ARHGAP15: variants seen among roughly 807,000 people sequenced by gnomAD.
The protein encoded by ARHGAP15 is rho GTPase-activating protein 15.
A neutral mutation model predicts 63.7 loss-of-function variants in ARHGAP15; 51 were observed. That is an observed-to-expected ratio of 0.80 (90% CI 0.64 to 1.01). The LOEUF (loss-of-function observed/expected upper bound fraction) is 1.01, where lower values mean the gene tolerates loss of function less well. ARHGAP15 is among the 50% of genes least tolerant of loss of function. ARHGAP15 has a pLI of 0.00. For missense variants in ARHGAP15, 560 were observed against 564.6 expected, an observed-to-expected ratio of 0.99 and a Z score of 0.08; for synonymous variants, 191 against 193.8, an observed-to-expected ratio of 0.99 and a Z score of 0.12.
chr2:143,473,161 A>G (rs1347953228), intron 8 of ARHGAP15, among the ~76,000 whole-genome samples: 2 of 152,214 alleles, frequency 1.3e-5, no homozygotes, highest in Non-Finnish European at 2.9e-5. Flanking sequence ...TTGCCAAACC[A>G]TCACATGACT....
intron 1 of ARHGAP15, among the ~76,000 whole-genome samples, chr2:143,143,525 C>G (rs1468318437): frequency 6.6e-6 from 1 of 151,058 alleles, no homozygotes; most frequent in Non-Finnish European, 1.5e-5. Context: ...TTTTCTCACA[C>G]CAAACTTCCT....
chr2:143,312,355 A>G (rs1409817655), intron 6 of ARHGAP15, among the ~76,000 whole-genome samples: 2 of 152,086 alleles, frequency 1.3e-5, no homozygotes, highest in Non-Finnish European at 2.9e-5. Flanking sequence ...TTATAATCAA[A>G]CATTCTTGAA....
At chr2:143,225,778 C>A (rs540344984) in intron 4 of ARHGAP15, among the ~76,000 whole-genome samples, 1 of 152,232 alleles carries the variant, frequency 6.6e-6, no homozygotes, top group South Asian at 2.1e-4. Context: ...GATGTTAGTA[C>A]TTTCATCATT....
At position 143,428,218 on chromosome 2, in the gene ARHGAP15, G is replaced by A. The variant is rs180758428; in HGVS notation, c.475-7383G>A. On this transcript the variant is annotated intron_variant, in intron 6 of 13. Transcript: ENST00000295095. ...TGATATGACAGAGGATGTCAAAGGG[G>A]TCTAGGCAGCAGGAACAACCTGCTC... 2.2e-3 allele frequency among the ~76,000 whole-genome samples: 341 copies of A among 152,092 alleles called. 2 individuals carry two copies. Among genetic ancestry groups the A allele is most frequent in the Admixed American group, 3.3e-3 (51 of 15,264 alleles).
intron 8 of ARHGAP15, among the ~76,000 whole-genome samples, chr2:143,445,925 C>T (rs758440200): frequency 2.6e-5 from 4 of 151,838 alleles, no homozygotes; most frequent in Non-Finnish European, 5.9e-5. Context: ...GAATACTTTT[C>T]TCTAGTGTCA....
intron 3 of ARHGAP15, among the ~76,000 whole-genome samples, chr2:143,214,490 G>A (rs2105140357): frequency 6.6e-6 from 1 of 152,182 alleles, no homozygotes; most frequent in African/African-American, 2.4e-5. Context: ...AAGAAAAAGG[G>A]ACAGTATACA....
At chr2:143,460,754 A>G (rs1162944463) in intron 8 of ARHGAP15, among the ~76,000 whole-genome samples, 1 of 152,154 alleles carries the variant, frequency 6.6e-6, no homozygotes, top group East Asian at 1.9e-4. Context: ...TCTCTTTGAT[A>G]AGAAGAAAAT....
chr2:143,578,122 A>G (rs919839536), intron 11 of ARHGAP15, among the ~76,000 whole-genome samples: 1 of 152,168 alleles, frequency 6.6e-6, no homozygotes, highest in African/African-American at 2.4e-5. Flanking sequence ...TGATTGGTTC[A>G]GGAAAGGGGT....
chr2:143,553,931 A>G (rs902793124), intron 10 of ARHGAP15, among the ~76,000 whole-genome samples: 2 of 152,216 alleles, frequency 1.3e-5, no homozygotes, highest in Non-Finnish European at 2.9e-5. Context: ...TACACCTTGT[A>G]TAAATGAATA....
At chr2:143,765,606 C>A (rs577925122) in intron 13 of ARHGAP15, among the ~76,000 whole-genome samples, 35 of 152,096 alleles carry the variant, frequency 2.3e-4, no homozygotes, top group Non-Finnish European at 4.4e-4. Flanking sequence ...GTGATTTTGG[C>A]CACAAGAAAT....
At chr2:143,303,470 G>C (rs1421074163) in intron 6 of ARHGAP15, among the ~76,000 whole-genome samples, 1 of 151,938 alleles carries the variant, frequency 6.6e-6, no homozygotes, top group African/African-American at 2.4e-5. Flanking sequence ...ATTAATTCAA[G>C]ATGGATTAAA....
chr2:143,198,294 G>A (rs987828524), intron 2 of ARHGAP15, among the ~76,000 whole-genome samples: 2 of 151,782 alleles, frequency 1.3e-5, no homozygotes, highest in African/African-American at 4.8e-5. Flanking sequence ...ATTCTTATTT[G>A]TACCATGGAC....
chr2:143,653,124 A>G (rs138087164), intron 12 of ARHGAP15, among the ~76,000 whole-genome samples: 217 of 152,228 alleles, frequency 1.4e-3, no homozygotes, highest in Non-Finnish European at 2.4e-3. Context: ...TTCTGCATCT[A>G]CTGAGATGAA....
intron 6 of ARHGAP15, among the ~76,000 whole-genome samples, chr2:143,387,510 CTT>C (rs1230975338): frequency 6.6e-6 from 1 of 152,160 alleles, no homozygotes; most frequent in Non-Finnish European, 1.5e-5. Flanking sequence ...GTTGTATACT[CTT>C]TTCAATTATT....
At chr2:143,189,421 TA>T (rs34802368) in intron 2 of ARHGAP15, among the ~76,000 whole-genome samples, 68,462 of 151,444 alleles carry the variant, frequency 0.45, 15,884 homozygotes, top group Admixed American at 0.56. Context: ...TTCCAGCTAT[TA>T]AAAAAAAATT....
chr2:143,327,845 T>C (rs181563639), intron 6 of ARHGAP15, among the ~76,000 whole-genome samples: 2 of 151,760 alleles, frequency 1.3e-5, no homozygotes, highest in Non-Finnish European at 2.9e-5. Context: ...AGTTTTGCAA[T>C]CTATCCATCT....
chr2:143,653,477 G>A (rs1157349300), intron 12 of ARHGAP15, among the ~76,000 whole-genome samples: 5 of 151,868 alleles, frequency 3.3e-5, no homozygotes, highest in African/African-American at 4.8e-5. Context: ...CTAATTTCAA[G>A]GAATTTCTCC....
chr2:143,332,897 G>A (rs549560315), intron 6 of ARHGAP15, among the ~76,000 whole-genome samples: 6 of 149,314 alleles, frequency 4.0e-5, no homozygotes, highest in East Asian at 2.0e-4. Context: ...TGCATAGTAC[G>A]TATAAAAACC....
chr2:143,522,055 C>G (rs539075423), intron 10 of ARHGAP15: 1 of 152,102 alleles, frequency 6.6e-6, no homozygotes, highest in South Asian at 2.1e-4. Context: ...AAGATGCATT[C>G]TTTATTCATC....
Sources: allele counts gnomAD v4.1 joint callset (sites outside exome capture counted in the v4.1 genomes callset), GRCh38; gene constraint gnomAD v4.1.1; transcripts MANE v1.5; gene names NCBI Gene and HGNC (gene_info 2026-07-23, HGNC 2026-07-21).